The following TENT4B variants were observed in gnomAD, a reference collection of about 807,000 sequenced individuals.
TENT4B encodes the protein terminal nucleotidyltransferase 4B.
Under a neutral mutation model 75.0 loss-of-function variants are expected in TENT4B, and 10 were observed. That is an observed-to-expected ratio of 0.13 (90% CI 0.08 to 0.23). TENT4B has a LOEUF of 0.23. Among genes scored for constraint, TENT4B ranks in the 10% least tolerant of loss-of-function variants. The pLI, the probability that TENT4B is intolerant of heterozygous loss-of-function variation, is 1.00. For missense variants in TENT4B, 579 were observed against 893.8 expected, an observed-to-expected ratio of 0.65 and a Z score of 4.49; for synonymous variants, 350 against 357.7, an observed-to-expected ratio of 0.98 and a Z score of 0.24.
chr16:50,206,240 C>G (rs2030957803), intron 1 of TENT4B, among the ~76,000 whole-genome samples: 1 of 151,992 alleles, frequency 6.6e-6, no homozygotes. Context: ...AGTAGAATGA[C>G]CTCAGGAGAG....
chr16:50,182,752 C>T (rs1345637294), intron 1 of TENT4B, among the ~76,000 whole-genome samples: 1 of 151,894 alleles, frequency 6.6e-6, no homozygotes, highest in Non-Finnish European at 1.5e-5. Flanking sequence ...TTACTTTTCA[C>T]CTAGTATTTC....
Position 50,223,195 on chromosome 16 carries a change from T to A in TENT4B, c.1189T>A (p.Cys397Ser). 1 of 1,610,746 alleles carries A rather than the reference T, an allele frequency of 6.2e-7. No homozygotes were observed. The highest frequency in any genetic ancestry group is 8.5e-7 in the Non-Finnish European group (1 of 1,178,076). ...TTAGTTACATCCCAGGGAAGATGCTTGCATCCCCAATACAAACTATGGTGT... is the reference window on the plus strand; with the variant it reads ...TTAGTTACATCCCAGGGAAGATGCTAGCATCCCCAATACAAACTATGGTGT... ...FLQLHPREDA[C>S]IPNTNYGVLL... is the part of the protein sequence containing the mutation. The change falls in exon 7 of 12, where the codon TGC becomes AGC. Residue 397 changes from cysteine (C) to serine (S), a missense_variant. Cys to Ser is a moderately radical substitution (Grantham distance 112). This residue lies in a region of TENT4B where 71 missense variants were observed against 210.6 expected (regional missense o/e 0.34). Coordinates refer to ENST00000561678, the MANE Select transcript of TENT4B (RefSeq NM_001365324.3).
At chr16:50,206,664 C>T (rs2030989117) in intron 1 of TENT4B, among the ~76,000 whole-genome samples, 1 of 152,068 alleles carries the variant, frequency 6.6e-6, no homozygotes, top group Non-Finnish European at 1.5e-5. Flanking sequence ...CGTGGGTCAT[C>T]TGCCTCCCTT....
intron 1 of TENT4B, among the ~76,000 whole-genome samples, chr16:50,199,865 T>TG (rs2030523510): frequency 6.6e-6 from 1 of 152,226 alleles, no homozygotes; most frequent in Non-Finnish European, 1.5e-5. Context: ...CCTGAACACC[T>TG]GGGCTGATGT....
In TENT4B at chr16:50,177,063, C is replaced by T. The variant is rs139771948; in HGVS notation, c.638+22804C>T. On this transcript the variant is annotated intron_variant, in intron 1 of 11. Coordinates refer to ENST00000561678, the MANE Select transcript of TENT4B (RefSeq NM_001365324.3). ...TGTCGCCTAGGCTGGAGTGTAGTGG[C>T]GCAATCTTGGTTCACTGCAACCTCT... 2.2e-4 allele frequency among the ~76,000 whole-genome samples: 33 copies of T among 149,462 alleles called. No individual in the cohort carries two copies. The East Asian group carries it at 4.2e-3, about 19-fold the overall frequency.
chr16:50,168,130 A>G (rs1287191341), intron 1 of TENT4B, among the ~76,000 whole-genome samples: 1 of 150,116 alleles, frequency 6.7e-6, no homozygotes, highest in African/African-American at 2.4e-5. Flanking sequence ...AAAAGAATGC[A>G]GAAGGAAACA....
chr16:50,217,731 T>C (rs527699932), intron 5 of TENT4B, 68 bp downstream of exon 5: 2 of 977,584 alleles, frequency 2.0e-6, no homozygotes, highest in African/African-American at 3.5e-5. Flanking sequence ...GTTGTGGTGG[T>C]GTTCTAATAT....
intron 1 of TENT4B, among the ~76,000 whole-genome samples, chr16:50,165,651 G>A (rs1229895370): frequency 6.6e-6 from 1 of 152,136 alleles, no homozygotes. Flanking sequence ...GTTTACTCTG[G>A]ACCTTTCATA....
At chr16:50,155,004 C>T (rs1320473220) in intron 1 of TENT4B, among the ~76,000 whole-genome samples, 2 of 152,158 alleles carry the variant, frequency 1.3e-5, no homozygotes, top group South Asian at 2.1e-4. Flanking sequence ...GCTCCAGCTT[C>T]TCACTGTAAA....
In TENT4B at chr16:50,153,519, G is replaced by A. The variant is rs112465304; in HGVS notation, c.-103G>A. 64 of 841,964 alleles carry A rather than the reference G, an allele frequency of 7.6e-5. No homozygotes were observed. The highest frequency in any genetic ancestry group is 2.7e-4 in the South Asian group (5 of 18,256). The allele number at this position is 841,964 out of a possible 1,614,324, so 52.2% of individuals were successfully genotyped here. On this transcript the variant is annotated 5_prime_UTR_variant, in exon 1 of 12. Coordinates refer to ENST00000561678, the MANE Select transcript of TENT4B (RefSeq NM_001365324.3). ...CAGCAGCAGCAGCAGCGGCAGCAGC[G>A]GCAGCAGCAGCAGCAGCCGAGGCCG...
At chr16:50,181,426 TG>T (rs1053923988) in intron 1 of TENT4B, among the ~76,000 whole-genome samples, 1 of 151,390 alleles carries the variant, frequency 6.6e-6, no homozygotes, top group Admixed American at 6.6e-5. Context: ...TTGGAGTACC[TG>T]GGACTATAGG....
chr16:50,221,664 G>T (rs1018766215), intron 5 of TENT4B, among the ~76,000 whole-genome samples: 1 of 152,072 alleles, frequency 6.6e-6, no homozygotes, highest in African/African-American at 2.4e-5. Flanking sequence ...CTTTGTCCTT[G>T]TACTCTTTCT....
chr16:50,212,059 G>A (rs2031307777), intron 2 of TENT4B, among the ~76,000 whole-genome samples: 1 of 152,060 alleles, frequency 6.6e-6, no homozygotes, highest in African/African-American at 2.4e-5. Flanking sequence ...CTGGTACTAA[G>A]TCTTTTGTTT....
In TENT4B at chr16:50,233,470, GC is replaced by G. The variant is rs1392516360; in HGVS notation, c.*4144del. The G allele has an allele frequency of 9.1e-6, 9 of 985,034 alleles. No individual in the cohort carries two copies. The highest frequency in any genetic ancestry group is 1.1e-5 in the Non-Finnish European group (9 of 829,884). The allele number at this position is 985,034 out of a possible 1,614,324, so 61.0% of individuals were successfully genotyped here. A position where few individuals can be genotyped will look rare whatever the true frequency, so the allele number is the denominator to read the frequency against. On this transcript the variant is annotated 3_prime_UTR_variant, in exon 12 of 12. Coordinates refer to ENST00000561678, the MANE Select transcript of TENT4B (RefSeq NM_001365324.3). ...CTTTTTCTCAGTCATCTTGTTCTAA[GC>G]CATCTTGACTTCACACCCTTAGCGA...
At chr16:50,159,904 G>T (rs564555633) in intron 1 of TENT4B, among the ~76,000 whole-genome samples, 36 of 151,714 alleles carry the variant, frequency 2.4e-4, no homozygotes, top group African/African-American at 8.2e-4. Flanking sequence ...GTTTTGTTTT[G>T]TTTTTGTTTT....
chr16:50,213,206 C>T (rs2031380626), intron 2 of TENT4B, among the ~76,000 whole-genome samples: 1 of 152,082 alleles, frequency 6.6e-6, no homozygotes, highest in Non-Finnish European at 1.5e-5. Flanking sequence ...GTTCAGGCGC[C>T]CGTCACCACA....
chr16:50,188,973 C>A (rs1474412896), intron 1 of TENT4B, among the ~76,000 whole-genome samples: 1 of 152,190 alleles, frequency 6.6e-6, no homozygotes, highest in Non-Finnish European at 1.5e-5. Context: ...ATTTATAGGA[C>A]ATCTCACTGT....
chr16:50,163,799 C>T (rs1399236855), intron 1 of TENT4B, among the ~76,000 whole-genome samples: 1 of 152,028 alleles, frequency 6.6e-6, no homozygotes, highest in African/African-American at 2.4e-5. Flanking sequence ...AATACGCACT[C>T]TTACTGTGGG....
Position 50,229,174 on chromosome 16 carries a change from G to T in TENT4B, c.1988G>T (p.Arg663Leu). 1 of 1,613,676 alleles carries T rather than the reference G, an allele frequency of 6.2e-7. No homozygotes were observed. Among genetic ancestry groups the T allele is most frequent in the South Asian group, 1.1e-5 (1 of 91,014 alleles). ...KSQHGSARLF[R>L]SSSKGFQGTT... The stretch of plus-strand genomic sequence containing the variant: ...CAGCATGGATCAGCAAGGCTCTTTC[G>T]TTCTTCCAGCAAAGGCTTCCAAGGT... The change falls in exon 12 of 12, where the codon CGT (arginine) becomes CTT (leucine). Residue 663 changes from arginine to leucine, a missense_variant. Physicochemically the swap from Arg to Leu is moderately radical, Grantham distance 102 (BLOSUM62 -2). Coordinates refer to ENST00000561678, the MANE Select transcript of TENT4B (RefSeq NM_001365324.3).
Sources: allele counts gnomAD v4.1 joint callset (sites outside exome capture counted in the v4.1 genomes callset), GRCh38; gene constraint gnomAD v4.1.1; regional missense constraint gnomAD v4.1.1; transcripts MANE v1.5; gene names NCBI Gene and HGNC (gene_info 2026-07-23, HGNC 2026-07-21).